ATAD2B: variants seen among roughly 807,000 people sequenced by gnomAD.
ATAD2B encodes ATPase family AAA domain containing 2B, also known as ATPase family AAA domain-containing protein 2B.
A neutral mutation model predicts 167.6 loss-of-function variants in ATAD2B; 40 were observed. The ratio of observed to expected loss-of-function variants is 0.24; its 90% CI spans 0.19 to 0.31. The LOEUF is 0.31. Among genes scored for constraint, ATAD2B ranks in the 10% least tolerant of loss-of-function variants. The pLI, the probability that ATAD2B is intolerant of heterozygous loss-of-function variation, is 1.00. For synonymous variants in ATAD2B, 579 were observed against 596.5 expected (o/e 0.97, Z 0.43); for missense variants, 1,242 against 1,757.2 (o/e 0.71, Z 5.24).
At chr2:23,852,391 T>C (rs1027918647) in intron 13 of ATAD2B, among the ~76,000 whole-genome samples, 20 of 152,106 alleles carry the variant, frequency 1.3e-4, no homozygotes, top group Non-Finnish European at 2.2e-4. Flanking sequence ...TCTCAAAGTG[T>C]TGAGATTACA....
At chr2:23,711,305 T>G in the ATAD2B span, among the ~76,000 whole-genome samples, 1 of 145,580 alleles carries the variant, frequency 6.9e-6, no homozygotes, top group African/African-American at 2.5e-5. Flanking sequence ...AAATGGGTAG[T>G]GAGGGACAGA....
intron 13 of ATAD2B, among the ~76,000 whole-genome samples, chr2:23,844,128 C>T (rs1485121219): frequency 1.7e-4 from 26 of 152,098 alleles, no homozygotes; most frequent in Admixed American, 1.7e-3. Context: ...TTAGTAGAGG[C>T]AAGGTTTCAC....
intron 8 of ATAD2B, among the ~76,000 whole-genome samples, chr2:23,874,873 G>A (rs1254534337): frequency 2.0e-5 from 3 of 151,152 alleles, no homozygotes; most frequent in Admixed American, 6.6e-5. Flanking sequence ...TGGCTAACAC[G>A]GTGAAATCCC....
chr2:23,691,561 T>TA, the ATAD2B span: 1 of 807,216 alleles, frequency 1.2e-6, no homozygotes, highest in Non-Finnish European at 2.0e-6. Context: ...CCGTGTCCTT[T>TA]GAGCCCTAAA....
At chr2:23,694,373 T>G in the ATAD2B span, among the ~76,000 whole-genome samples, 1 of 152,308 alleles carries the variant, frequency 6.6e-6, no homozygotes, top group East Asian at 1.9e-4. Flanking sequence ...CATCGAGACC[T>G]TCCTCCTCTC....
chr2:23,684,631 G>A, the ATAD2B span: 4 of 1,128,068 alleles, frequency 3.5e-6, no homozygotes, highest in East Asian at 2.8e-5. This position sits in a 1 kb window ranked among gnomAD's most constrained non-coding sequence, Gnocchi z 4.4. Flanking sequence ...TTCCTGAAGC[G>A]TGACTCCCTG....
At chr2:23,711,854 G>A in the ATAD2B span, among the ~76,000 whole-genome samples, 95 of 152,304 alleles carry the variant, frequency 6.2e-4, no homozygotes, top group Non-Finnish European at 4.7e-4. Flanking sequence ...CCCTGTACAT[G>A]TCTCCTCTAA....
intron 5 of ATAD2B, 68 bp from the exon 6 acceptor site, chr2:23,884,941 A>C: frequency 3.1e-5 from 29 of 944,336 alleles, no homozygotes; most frequent in Non-Finnish European, 4.2e-5. Flanking sequence ...AAACAACCCA[A>C]TGGGACATAC....
the ATAD2B span, among the ~76,000 whole-genome samples, chr2:23,693,930 C>T: frequency 6.6e-6 from 1 of 152,306 alleles, no homozygotes; most frequent in Admixed American, 6.5e-5. Flanking sequence ...CCTGAGGGGA[C>T]TGTGTTGGGT....
chr2:23,700,588 T>C, the ATAD2B span, among the ~76,000 whole-genome samples: 1 of 152,186 alleles, frequency 6.6e-6, no homozygotes, highest in African/African-American at 2.4e-5. The surrounding 1 kb of genome is among the most constrained non-coding windows in gnomAD (Gnocchi z 4.6). Context: ...ACCATGACGT[T>C]TTCCCTAGAG....
intron 17 of ATAD2B, among the ~76,000 whole-genome samples, chr2:23,818,295 GGAGAGA>G (rs10559796): frequency 0.011 from 1,321 of 121,528 alleles, 39 homozygotes; most frequent in Non-Finnish European, 0.019. Flanking sequence ...GAGGGAGGGG[GGAGAGA>G]GAGAGAGAGA....
At chr2:23,736,712 G>C in the ATAD2B span, among the ~76,000 whole-genome samples, 1 of 152,190 alleles carries the variant, frequency 6.6e-6, no homozygotes, top group African/African-American at 2.4e-5. Flanking sequence ...AGTGGGTGCA[G>C]CCTACCGTGC....
intron 22 of ATAD2B, among the ~76,000 whole-genome samples, chr2:23,767,698 G>A (rs1403807660): frequency 6.6e-6 from 1 of 152,198 alleles, no homozygotes; most frequent in Non-Finnish European, 1.5e-5. Context: ...ATTTTAGTGA[G>A]AGAGGATGAT....
the ATAD2B span, chr2:23,696,160 A>G: frequency 1.3e-6 from 2 of 1,544,874 alleles, no homozygotes; most frequent in Non-Finnish European, 1.7e-6. This position sits in a 1 kb window ranked among gnomAD's most constrained non-coding sequence, Gnocchi z 5.5. Flanking sequence ...TTGGGGCGGG[A>G]CCAGGCATGG....
intron 2 of ATAD2B, 41 bp from the exon 3 acceptor site, chr2:23,888,440 T>C (rs752891638): frequency 6.9e-6 from 9 of 1,300,764 alleles, no homozygotes; most frequent in Admixed American, 5.5e-5. Context: ...ACATCAACAT[T>C]TGCTTATATA....
At chr2:23,826,851 A>T (rs1688337767) in intron 15 of ATAD2B, among the ~76,000 whole-genome samples, 1 of 152,170 alleles carries the variant, frequency 6.6e-6, no homozygotes, top group African/African-American at 2.4e-5. Context: ...AATCACACCC[A>T]ATATGCATGC....
intron 1 of ATAD2B, among the ~76,000 whole-genome samples, chr2:23,915,127 G>A (rs1034203066): frequency 6.6e-6 from 1 of 152,112 alleles, no homozygotes; most frequent in Admixed American, 6.5e-5. Flanking sequence ...TAGCAGGTGG[G>A]AGTAGTGACT....
At chr2:23,862,149 A>G (rs1317830853) in intron 12 of ATAD2B, among the ~76,000 whole-genome samples, 1 of 151,906 alleles carries the variant, frequency 6.6e-6, no homozygotes, top group Admixed American at 6.6e-5. Context: ...GTGAACTATA[A>G]TCACATCACT....
At chr2:23,894,466 C>CAA (rs113301623) in intron 2 of ATAD2B, among the ~76,000 whole-genome samples, 6 of 127,420 alleles carry the variant, frequency 4.7e-5, no homozygotes, top group African/African-American at 1.7e-4. Context: ...AACTCCATCT[C>CAA]AAAAAAAAAA....
Sources: allele counts gnomAD v4.1 joint callset (sites outside exome capture counted in the v4.1 genomes callset), GRCh38; gene constraint gnomAD v4.1.1; non-coding constraint Gnocchi (gnomAD v3.1); transcripts MANE v1.5; gene names NCBI Gene and HGNC (gene_info 2026-07-23, HGNC 2026-07-21).